ARHGAP26: variants seen among roughly 807,000 people sequenced by gnomAD.
The protein encoded by ARHGAP26 is Rho GTPase activating protein 26, also known as rho GTPase-activating protein 26.
A neutral mutation model predicts 104.8 loss-of-function variants in ARHGAP26; 38 were observed. That is an observed-to-expected ratio of 0.36 (90% CI 0.28 to 0.48). The LOEUF (loss-of-function observed/expected upper bound fraction) is 0.48. Ranked by LOEUF, ARHGAP26 falls within the 20% of genes least tolerant of loss-of-function variation. The pLI, the probability that ARHGAP26 is intolerant of heterozygous loss-of-function variation, is 0.99. For synonymous variants in ARHGAP26, 341 were observed against 340.0 expected (o/e 1.00, Z -0.03); for missense variants, 704 against 947.9 (o/e 0.74, Z 3.38).
rs1778975586 is a variant in ARHGAP26, at chr5:143,012,556, T to TAC, written c.1108-1523_1108-1522insCA. Among the ~76,000 whole-genome samples the TAC allele has an allele frequency of 1.2e-4, 7 of 59,110 alleles. 1 individual carries two copies. The highest frequency in any genetic ancestry group is 3.2e-4 in the African/African-American group (6 of 18,554). The allele number at this position is 59,110 out of a possible 152,430, so 38.8% of individuals were successfully genotyped here. On this transcript the variant is annotated intron_variant, in intron 11 of 22. Coordinates refer to ENST00000645722, the MANE Select transcript of ARHGAP26 (RefSeq NM_001135608.3). ...ATATATTTATATACATACATACATA[T>TAC]ATATATATATATATATATATTATGA...
chr5:143,158,045 TATCA>T, intron 20 of ARHGAP26, among the ~76,000 whole-genome samples: 1 of 152,270 alleles, frequency 6.6e-6, no homozygotes, highest in Middle Eastern at 3.4e-3. Context: ...TCGTTCAGAG[TATCA>T]ATCAATAAAA....
intron 22 of ARHGAP26, among the ~76,000 whole-genome samples, chr5:143,219,810 G>A (rs1810899985): frequency 6.6e-6 from 1 of 152,200 alleles, no homozygotes; most frequent in South Asian, 2.1e-4. Context: ...TTGCCATGGG[G>A]CCCAGGAATG....
chr5:142,980,259 C>T (rs1430504404), intron 11 of ARHGAP26, among the ~76,000 whole-genome samples: 3 of 152,134 alleles, frequency 2.0e-5, no homozygotes, highest in Non-Finnish European at 2.9e-5. Flanking sequence ...GAAAGCATTT[C>T]GTTGTACAGA....
intron 11 of ARHGAP26, among the ~76,000 whole-genome samples, chr5:142,958,920 GAA>G (rs34897624): frequency 2.8e-4 from 23 of 83,586 alleles, no homozygotes; most frequent in African/African-American, 1.7e-3. Flanking sequence ...AAAAAAAAAA[GAA>G]AAAAAAAAAG....
chr5:143,043,320 A>G (rs914628117), intron 14 of ARHGAP26, among the ~76,000 whole-genome samples: 1 of 152,176 alleles, frequency 6.6e-6, no homozygotes, highest in African/African-American at 2.4e-5. Flanking sequence ...TGGGATTGGC[A>G]TTGTTTTTCA....
chr5:143,023,481 A>G (rs1201590687), intron 12 of ARHGAP26, among the ~76,000 whole-genome samples: 1 of 152,166 alleles, frequency 6.6e-6, no homozygotes, highest in Non-Finnish European at 1.5e-5. Flanking sequence ...ATTACCAAAA[A>G]TCCACCGTCT....
chr5:142,941,050 G>A (rs1766242847), intron 11 of ARHGAP26, among the ~76,000 whole-genome samples: 1 of 142,658 alleles, frequency 7.0e-6, no homozygotes. Flanking sequence ...ACTCCAGCCT[G>A]GGCGACTGAG....
At chr5:142,771,017 C>T (rs1461877172) in intron 1 of ARHGAP26, 102 bp downstream of exon 1, 1 of 1,469,068 alleles carries the variant, frequency 6.8e-7, no homozygotes, top group Non-Finnish European at 9.1e-7. Context: ...TTTCTGCTCC[C>T]GGTACACTGG....
intron 1 of ARHGAP26, among the ~76,000 whole-genome samples, chr5:142,776,590 T>C (rs1756371121): frequency 1.3e-5 from 2 of 152,228 alleles, no homozygotes. Flanking sequence ...TTCCTTTTTA[T>C]TGCTAGAAAA....
chr5:142,812,848 G>A (rs1764369377), intron 1 of ARHGAP26, among the ~76,000 whole-genome samples: 2 of 152,132 alleles, frequency 1.3e-5, no homozygotes, highest in Admixed American at 1.3e-4. Flanking sequence ...CCTAAAACAG[G>A]GGTATTGATG....
intron 12 of ARHGAP26, among the ~76,000 whole-genome samples, chr5:143,030,230 C>T (rs973608897): frequency 6.6e-6 from 1 of 152,102 alleles, no homozygotes; most frequent in Non-Finnish European, 1.5e-5. Context: ...GATGGTCTAG[C>T]GGAGAATACT....
intron 10 of ARHGAP26, among the ~76,000 whole-genome samples, chr5:142,920,858 G>C (rs1169706625): frequency 6.6e-6 from 1 of 152,150 alleles, no homozygotes; most frequent in Non-Finnish European, 1.5e-5. Context: ...CCAGAATACT[G>C]GGGGGAAAGT....
intron 1 of ARHGAP26, among the ~76,000 whole-genome samples, chr5:142,820,628 A>C (rs1194676669): frequency 6.6e-6 from 1 of 152,196 alleles, no homozygotes; most frequent in East Asian, 1.9e-4. Context: ...CAGCAGTGGG[A>C]TGGGCAGAGC....
At chr5:143,089,672 ACT>A (rs1201076353) in intron 17 of ARHGAP26, among the ~76,000 whole-genome samples, 1 of 152,180 alleles carries the variant, frequency 6.6e-6, no homozygotes, top group African/African-American at 2.4e-5. Context: ...TTAGTAAATC[ACT>A]GTTGGTTGTA....
intron 11 of ARHGAP26, among the ~76,000 whole-genome samples, chr5:142,936,065 C>T (rs1440031027): frequency 1.3e-5 from 2 of 150,474 alleles, no homozygotes; most frequent in East Asian, 3.9e-4. Context: ...ACAACTGCCC[C>T]CACTTTCAGA....
At chr5:143,178,200 A>G (rs567712065) in intron 20 of ARHGAP26, among the ~76,000 whole-genome samples, 1 of 151,664 alleles carries the variant, frequency 6.6e-6, no homozygotes, top group African/African-American at 2.4e-5. Flanking sequence ...GGATTTCACT[A>G]TGTTGGCCAG....
At chr5:142,862,135 C>T (rs1440981998) in intron 1 of ARHGAP26, among the ~76,000 whole-genome samples, 1 of 152,166 alleles carries the variant, frequency 6.6e-6, no homozygotes, top group African/African-American at 2.4e-5. Context: ...AGCTAGAAAG[C>T]TCAGGGATTA....
chr5:142,772,641 G>C, intron 1 of ARHGAP26: 1 of 454,110 alleles, frequency 2.2e-6, no homozygotes, highest in Non-Finnish European at 4.4e-6. Flanking sequence ...TGAGAAAACA[G>C]AGACTGGGGG....
intron 1 of ARHGAP26, among the ~76,000 whole-genome samples, chr5:142,789,849 C>T (rs944288942): frequency 6.6e-6 from 1 of 152,110 alleles, no homozygotes; most frequent in African/African-American, 2.4e-5. Context: ...CCCTTCTTTC[C>T]TTATGTATCC....
Sources: gnomAD v4.1 joint callset for allele counts (sites outside exome capture counted in the v4.1 genomes callset) on GRCh38, gnomAD v4.1.1 for gene constraint, MANE v1.5 for transcripts, NCBI Gene and HGNC (gene_info 2026-07-23, HGNC 2026-07-21) for gene names.